NPAS3: variants seen among roughly 807,000 people sequenced by gnomAD.
NPAS3 encodes neuronal PAS domain protein 3.
A neutral mutation model predicts 73.1 loss-of-function variants in NPAS3; 14 were observed. The observed-to-expected ratio is 0.19, with a 90% CI of 0.13 to 0.30. NPAS3 has a LOEUF of 0.30. NPAS3 is among the 10% of genes least tolerant of loss of function. The pLI is 1.00. For synonymous variants in NPAS3, 620 were observed against 541.5 expected (o/e 1.14, Z -2.01); for missense variants, 1,096 against 1,250.0 (o/e 0.88, Z 1.86).
intron 3 of NPAS3, among the ~76,000 whole-genome samples, chr14:33,246,340 C>T (rs1454972533): frequency 6.6e-6 from 1 of 151,734 alleles, no homozygotes; most frequent in Non-Finnish European, 1.5e-5. Context: ...GAGATCCAGA[C>T]CATCCTGGCT....
chr14:33,577,977 G>T (rs997401445), intron 5 of NPAS3, among the ~76,000 whole-genome samples: 1 of 152,200 alleles, frequency 6.6e-6, no homozygotes, highest in African/African-American at 2.4e-5. Context: ...GATCTCTGAT[G>T]CAGTGTCTCT....
At chr14:33,505,893 A>AATATG (rs2052736454) in intron 4 of NPAS3, among the ~76,000 whole-genome samples, 1 of 151,840 alleles carries the variant, frequency 6.6e-6, no homozygotes, top group Non-Finnish European at 1.5e-5. Context: ...CCTCTGGCTC[A>AATATG]CTGACCTTGT....
chr14:33,280,873 CTCA>C (rs1380850109), intron 3 of NPAS3, among the ~76,000 whole-genome samples: 6 of 152,122 alleles, frequency 3.9e-5, no homozygotes, highest in Admixed American at 3.3e-4. Flanking sequence ...CCCATCAAAG[CTCA>C]TCATTAGCGT....
At chr14:33,397,698 G>A (rs2047282080) in intron 4 of NPAS3, among the ~76,000 whole-genome samples, 1 of 152,032 alleles carries the variant, frequency 6.6e-6, no homozygotes, top group African/African-American at 2.4e-5. Flanking sequence ...TACATTTTGG[G>A]GATGAGAAAA....
chr14:33,468,135 G>A (rs1230861415), intron 4 of NPAS3, among the ~76,000 whole-genome samples: 3 of 152,088 alleles, frequency 2.0e-5, no homozygotes, highest in Non-Finnish European at 4.4e-5. Context: ...GCAGTTGAAT[G>A]GTGACGTCAA....
intron 2 of NPAS3, among the ~76,000 whole-genome samples, chr14:33,093,427 T>G (rs555996358): frequency 2.0e-5 from 3 of 152,166 alleles, no homozygotes; most frequent in Non-Finnish European, 4.4e-5. Flanking sequence ...AGATACCATC[T>G]CACACCAGTT....
At chr14:33,237,638 T>C (rs1226405450) in intron 3 of NPAS3, among the ~76,000 whole-genome samples, 1 of 152,072 alleles carries the variant, frequency 6.6e-6, no homozygotes, top group African/African-American at 2.4e-5. Context: ...ATGCTAGTTA[T>C]TTCACTGTTT....
chr14:33,620,298 TTCTG>T (rs1217635779), intron 5 of NPAS3, among the ~76,000 whole-genome samples: 1 of 152,216 alleles, frequency 6.6e-6, no homozygotes, highest in Non-Finnish European at 1.5e-5. Flanking sequence ...GAGAAGGTAC[TTCTG>T]TCTCTGTTCC....
chr14:33,090,931 A>G (rs1034697187), intron 2 of NPAS3, among the ~76,000 whole-genome samples: 53 of 152,220 alleles, frequency 3.5e-4, no homozygotes, highest in Non-Finnish European at 6.8e-4. Flanking sequence ...AGAAATAAAG[A>G]TGTTCTTTGA....
chr14:33,341,158 T>C (rs1307347285), intron 3 of NPAS3, among the ~76,000 whole-genome samples: 9 of 152,222 alleles, frequency 5.9e-5, no homozygotes. Flanking sequence ...ATGTAGTGGC[T>C]TTGATAGTTT....
At chr14:33,362,496 A>G (rs1479187987) in intron 3 of NPAS3, among the ~76,000 whole-genome samples, 2 of 152,132 alleles carry the variant, frequency 1.3e-5, no homozygotes, top group African/African-American at 2.4e-5. Flanking sequence ...ATGCCATGGA[A>G]AGACTCATTA....
At chr14:33,396,980 G>T (rs769425742) in intron 4 of NPAS3, among the ~76,000 whole-genome samples, 8 of 152,004 alleles carry the variant, frequency 5.3e-5, no homozygotes, top group Non-Finnish European at 1.2e-4. Context: ...TGTGTCATAT[G>T]ATATAGACAC....
At chr14:33,202,092 A>G (rs1250469909) in intron 2 of NPAS3, among the ~76,000 whole-genome samples, 1 of 152,146 alleles carries the variant, frequency 6.6e-6, no homozygotes, top group Non-Finnish European at 1.5e-5. Context: ...TATTTTAAAC[A>G]TTTGTTTTCT....
At chr14:33,789,448 C>A (rs2063281086) in intron 9 of NPAS3, among the ~76,000 whole-genome samples, 1 of 152,128 alleles carries the variant, frequency 6.6e-6, no homozygotes, top group Non-Finnish European at 1.5e-5. Context: ...ACGTCTGGGA[C>A]CTTTCAAGAT....
intron 5 of NPAS3, among the ~76,000 whole-genome samples, chr14:33,564,870 A>G (rs1031241409): frequency 1.1e-4 from 16 of 152,240 alleles, no homozygotes; most frequent in East Asian, 9.6e-4. Flanking sequence ...ACACATTTGT[A>G]TGGGGTGATA....
chr14:33,247,737 A>G (rs1181103879), intron 3 of NPAS3, among the ~76,000 whole-genome samples: 1 of 152,216 alleles, frequency 6.6e-6, no homozygotes, highest in Non-Finnish European at 1.5e-5. Context: ...AGAAGTCCTC[A>G]TGTCGAAAAG....
chr14:33,079,403 C>A (rs1229982361), intron 2 of NPAS3, among the ~76,000 whole-genome samples: 2 of 148,164 alleles, frequency 1.3e-5, no homozygotes, highest in Non-Finnish European at 3.0e-5. Flanking sequence ...ACTGCAACCT[C>A]CGCCTCCCGA....
At chr14:33,263,118 C>G (rs1193526699) in intron 3 of NPAS3, among the ~76,000 whole-genome samples, 8 of 152,004 alleles carry the variant, frequency 5.3e-5, no homozygotes, top group African/African-American at 1.7e-4. Context: ...AAGCTCTTTA[C>G]TTTAATTAGA....
Position 33,800,599 on chromosome 14 carries a change from CGGG to C in NPAS3, c.2295_2297del (p.Gly772del). 7.8e-7 allele frequency: 1 copy of C among 1,287,676 alleles called. No individual in the cohort carries two copies. The highest frequency in any genetic ancestry group is 9.8e-7 in the Non-Finnish European group (1 of 1,022,870). The allele number at this position is 1,287,676 out of a possible 1,614,324, so 79.8% of individuals were successfully genotyped here. On this transcript the variant is annotated inframe_deletion, in exon 12 of 12. Transcript: ENST00000356141. This position sits in a 1 kb window ranked among gnomAD's most constrained non-coding sequence, Gnocchi z 6.5. ...GGGACAAGCACCCCGGGAACGGCGG[CGGG>C]GGCGGGGGCGGGGGCGGCGGCGCGG... is the stretch of plus-strand genomic sequence containing the variant.
Sources: allele counts gnomAD v4.1 joint callset (sites outside exome capture counted in the v4.1 genomes callset), GRCh38; gene constraint gnomAD v4.1.1; non-coding constraint Gnocchi (gnomAD v3.1); transcripts MANE v1.5; gene names NCBI Gene and HGNC (gene_info 2026-07-23, HGNC 2026-07-21).